Variants in XDH observed in about 807,000 individuals in gnomAD.
XDH encodes xanthine dehydrogenase.
XDH carries 138 observed loss-of-function variants against 156.1 expected under a neutral mutation model. That is an observed-to-expected ratio of 0.88 (90% CI 0.77 to 1.02). XDH has a LOEUF of 1.02. Among genes scored for constraint, XDH ranks in the 50% least tolerant of loss-of-function variants. XDH has a pLI of 0.00. For synonymous variants in XDH, 669 were observed against 625.7 expected (o/e 1.07, Z -1.03); for missense variants, 1,849 against 1,684.9 (o/e 1.10, Z -1.71).
intron 11 of XDH, among the ~76,000 whole-genome samples, chr2:31,382,421 CT>C (rs1686462528): frequency 6.6e-6 from 1 of 152,128 alleles, no homozygotes; most frequent in Admixed American, 6.5e-5. Flanking sequence ...GAAGAGATAG[CT>C]TTTCTTCCGA....
chr2:31,388,003 C>G, intron 7 of XDH, 106 bp from the exon 8 acceptor site: 1 of 1,332,214 alleles, frequency 7.5e-7, no homozygotes, highest in Non-Finnish European at 1.0e-6. Flanking sequence ...CAGCCCCCTG[C>G]AGGCTGCAAG....
Position 31,364,216 on chromosome 2 carries a change from A to G in XDH, c.2573T>C (p.Val858Ala). ...KVGFMKTGTV[V>A]ALEVDHFSNV... ...GCTGAAGTGGTCCACCTCAAGAGCC[A>G]CAACTGTCCCAGTCTTCATGAAGCC... Residue 858 changes from valine to alanine, a missense_variant, in exon 24 of 36, where the codon GTG (valine) becomes GCG (alanine). By Grantham distance (64) the Val-to-Ala change is moderately conservative. Coordinates refer to ENST00000379416, the MANE Select transcript of XDH (RefSeq NM_000379.4). The G allele has an allele frequency of 6.2e-7, 1 of 1,614,230 alleles. No homozygotes were observed. Among genetic ancestry groups the G allele is most frequent in the Non-Finnish European group, 8.5e-7 (1 of 1,180,038 alleles).
intron 16 of XDH, among the ~76,000 whole-genome samples, chr2:31,373,284 G>T (rs1032190895): frequency 1.3e-5 from 2 of 152,230 alleles, no homozygotes; most frequent in Non-Finnish European, 2.9e-5. Context: ...CTACACTCTA[G>T]TGTGCAGGGG....
At position 31,375,447 on chromosome 2, in the gene XDH, G is replaced by C. The variant is rs74874345; in HGVS notation, c.1535C>G (p.Thr512Ser). Residue 512 changes from threonine to serine, a missense_variant, in exon 15 of 36, where the codon ACC becomes AGC. Coordinates refer to ENST00000379416, the MANE Select transcript of XDH (RefSeq NM_000379.4). The stretch of plus-strand genomic sequence containing the variant: ...GTAGAACTTGAAGAAGAAGCTGAGG[G>C]TGAGGGTGCACCGGAAGTCCACCAT... ...GGMVDFRCTL[T>S]LSFFFKFYLT... 6.2e-7 allele frequency: 1 copy of C among 1,614,224 alleles called. No individual in the cohort carries two copies. Among genetic ancestry groups the C allele is most frequent in the Non-Finnish European group, 8.5e-7 (1 of 1,180,044 alleles).
intron 34 of XDH, among the ~76,000 whole-genome samples, chr2:31,338,592 T>C (rs891441369): frequency 2.6e-5 from 4 of 152,224 alleles, no homozygotes; most frequent in African/African-American, 4.8e-5. Context: ...CAAGGATTAG[T>C]TGCCTTCCTT....
intron 24 of XDH, among the ~76,000 whole-genome samples, chr2:31,363,353 A>G (rs969255425): frequency 1.3e-5 from 2 of 152,206 alleles, no homozygotes; most frequent in Non-Finnish European, 2.9e-5. Flanking sequence ...CCTACAAAAC[A>G]TTATTCTGAG....
At chr2:31,375,118 C>T (rs1213509189) in intron 15 of XDH, among the ~76,000 whole-genome samples, 5 of 149,834 alleles carry the variant, frequency 3.3e-5, no homozygotes, top group Admixed American at 6.7e-5. Flanking sequence ...CTCCACCTCC[C>T]GAGTTCAAGT....
In XDH at chr2:31,357,308, C is replaced by T. The variant is rs928652146; in HGVS notation, c.2631+6850G>A. ...AGAGAAAATCAATGAAACAAAAACC[C>T]GGGTCTTTAAAAAGAGCAATAAAAT... On this transcript the variant is annotated intron_variant, in intron 24 of 35. Transcript: ENST00000379416. 4.6e-5 allele frequency among the ~76,000 whole-genome samples: 7 copies of T among 151,946 alleles called. No homozygotes were observed. The South Asian group carries it at 8.3e-4, about 18-fold the overall frequency.
chr2:31,335,956 C>G lies in XDH; in HGVS notation c.*2G>C. 6.2e-7 allele frequency: 1 copy of G among 1,614,224 alleles called. No individual in the cohort carries two copies. Among genetic ancestry groups the G allele is most frequent in the South Asian group, 1.1e-5 (1 of 91,090 alleles). ...AAGAAGACTCTGCTGAGGACTCTCTCTTTAGACCCTCACAGACCAGGGTTT... is the reference window on the plus strand; with the variant it reads ...AAGAAGACTCTGCTGAGGACTCTCTGTTTAGACCCTCACAGACCAGGGTTT... On this transcript the variant is annotated 3_prime_UTR_variant, in exon 36 of 36. Transcript: ENST00000379416.
chr2:31,357,922 T>C (rs1303381156), intron 24 of XDH, among the ~76,000 whole-genome samples: 1 of 152,114 alleles, frequency 6.6e-6, no homozygotes, highest in South Asian at 2.1e-4. Context: ...CAGTATGAGA[T>C]AGATAATTTG....
At position 31,378,127 on chromosome 2, in the gene XDH, G is replaced by GAAAGAAAGAAA. The variant is rs1558696722; in HGVS notation, c.1243-891_1243-890insTTTCTTTCTTT. ...GAAAGAAAGGAAGGAAGGAAGGAAG[G>GAAAGAAAGAAA]AAGGAAGGAAGGAAGGAAGGAAGGA... On this transcript the variant is annotated intron_variant, in intron 13 of 35. Transcript: ENST00000379416. 1.8e-3 allele frequency among the ~76,000 whole-genome samples: 85 copies of GAAAGAAAGAAA among 47,958 alleles called. 6 individuals carry two copies. The highest frequency in any genetic ancestry group is 6.2e-3 in the African/African-American group (83 of 13,470). 31.5% of individuals were successfully genotyped at this position (47,958 alleles called of 152,430 possible). A position where few individuals can be genotyped will look rare whatever the true frequency, so the allele number is the denominator to read the frequency against.
intron 14 of XDH, 27 bp from the exon 15 acceptor site, chr2:31,375,581 C>G (rs202056743): frequency 6.2e-7 from 1 of 1,609,316 alleles, no homozygotes; most frequent in Non-Finnish European, 8.5e-7. Context: ...CGTGGGACAG[C>G]GCTCCCGCCC....
chr2:31,373,816 C>A (rs1448210021), intron 16 of XDH, 57 bp downstream of exon 16: 5 of 1,578,630 alleles, frequency 3.2e-6, no homozygotes, highest in Middle Eastern at 1.7e-4. Context: ...CAGCCACTAG[C>A]CAACTCATGT....
At chr2:31,360,794 G>T (rs549017873) in intron 24 of XDH, among the ~76,000 whole-genome samples, 1 of 147,926 alleles carries the variant, frequency 6.8e-6, no homozygotes, top group Non-Finnish European at 1.5e-5. Flanking sequence ...TACTATCTGA[G>T]GTTTCAGGTG....
intron 19 of XDH, 139 bp from the exon 20 acceptor site, chr2:31,368,196 C>T (rs1685973934): frequency 1.2e-6 from 1 of 828,106 alleles, no homozygotes; most frequent in South Asian, 1.4e-5. Flanking sequence ...CACATACAGA[C>T]TTGAAGTAAG....
At position 31,343,796 on chromosome 2, in the gene XDH, T is replaced by C. The variant is rs1187932585; in HGVS notation, c.3404+888A>G. 4.9e-5 allele frequency among the ~76,000 whole-genome samples: 7 copies of C among 141,684 alleles called. No homozygotes were observed. In the East Asian group the frequency reaches 1.3e-3, roughly 26 times the overall value. The allele number at this position is 141,684 out of a possible 152,430, so 93.0% of individuals were successfully genotyped here. ...TGTGTATATATGTTTATGCCTTATA[T>C]GTATAAACATATATATGCCTAACAT... On this transcript the variant is annotated intron_variant, in intron 31 of 35. Coordinates refer to ENST00000379416, the MANE Select transcript of XDH (RefSeq NM_000379.4).
At chr2:31,378,047 A>AAAGGAAGG in intron 13 of XDH, among the ~76,000 whole-genome samples, 1 of 130,766 alleles carries the variant, frequency 7.6e-6, no homozygotes, top group African/African-American at 3.1e-5. Context: ...GAAGAAAGAG[A>AAAGGAAGG]AAGAAAGGAA....
Position 31,339,638 on chromosome 2 carries a change from G to C in XDH, c.3625C>G (p.Leu1209Val), listed in dbSNP as rs951055840. The stretch of plus-strand genomic sequence containing the variant: ...TCGGGGGAATAGTGTAGCTCCTCTA[G>C]GGTGAAGAGGCCAAGGCCCTGGACA... ...AFVQGLGLFT[L>V]EELHYSPEGS... The change falls in exon 34 of 36, where the codon CTA becomes GTA. Residue 1209 changes from leucine (L) to valine (V), a missense_variant. Coordinates refer to ENST00000379416, the MANE Select transcript of XDH (RefSeq NM_000379.4). The C allele has an allele frequency of 2.5e-6, 4 of 1,614,062 alleles. No homozygotes were observed. The highest frequency in any genetic ancestry group is 1.7e-5 in the Admixed American group (1 of 60,004).
chr2:31,352,633 T>C (rs1572520282), intron 24 of XDH, among the ~76,000 whole-genome samples: 3 of 152,260 alleles, frequency 2.0e-5, no homozygotes, highest in African/African-American at 7.2e-5. Context: ...ATTTGCTGGA[T>C]TGAATTGAAA....
Sources: gnomAD v4.1 joint callset for allele counts (sites outside exome capture counted in the v4.1 genomes callset) on GRCh38, gnomAD v4.1.1 for gene constraint, MANE v1.5 for transcripts, NCBI Gene and HGNC (gene_info 2026-07-23, HGNC 2026-07-21) for gene names.